The following PHACTR1 variants were observed in gnomAD, a reference collection of about 807,000 sequenced individuals.
PHACTR1 encodes the protein RPEL repeat containing 1.
Under a neutral mutation model 69.2 loss-of-function variants are expected in PHACTR1, and 16 were observed. The ratio of observed to expected loss-of-function variants is 0.23; its 90% confidence interval spans 0.16 to 0.35. PHACTR1 has a LOEUF of 0.35. Among genes scored for constraint, PHACTR1 ranks in the 10% least tolerant of loss-of-function variants. PHACTR1 has a pLI of 1.00. For synonymous variants in PHACTR1, 312 were observed against 284.5 expected, an observed-to-expected ratio of 1.10 and a Z score of -0.97; for missense variants, 510 against 734.7, an observed-to-expected ratio of 0.69 and a Z score of 3.54.
intron 4 of PHACTR1, among the ~76,000 whole-genome samples, chr6:12,761,918 G>A (rs1479369407): frequency 6.6e-6 from 1 of 152,178 alleles, no homozygotes; most frequent in Admixed American, 6.5e-5. Flanking sequence ...GACACAGTTC[G>A]CACAGCTGTG....
intron 4 of PHACTR1, among the ~76,000 whole-genome samples, chr6:12,824,761 G>A (rs1317573540): frequency 1.3e-5 from 2 of 152,056 alleles, no homozygotes; most frequent in African/African-American, 4.8e-5. Context: ...GATATTTCAG[G>A]AAATTAACTT....
At chr6:12,781,481 C>A (rs535729382) in intron 4 of PHACTR1, among the ~76,000 whole-genome samples, 1 of 152,292 alleles carries the variant, frequency 6.6e-6, no homozygotes, top group South Asian at 2.1e-4. Flanking sequence ...TCCAAATGGG[C>A]CTACACGGGC....
chr6:13,183,797 A>G (rs1762490207), intron 7 of PHACTR1, among the ~76,000 whole-genome samples: 1 of 152,214 alleles, frequency 6.6e-6, no homozygotes, highest in African/African-American at 2.4e-5. Context: ...CACTGAAGTC[A>G]GATAGATTTG....
At chr6:12,902,948 C>T (rs772143880) in intron 4 of PHACTR1, among the ~76,000 whole-genome samples, 4 of 152,296 alleles carry the variant, frequency 2.6e-5, no homozygotes, top group African/African-American at 7.2e-5. Flanking sequence ...GAGACCCAAC[C>T]GGCCCCTTGT....
At chr6:13,086,944 T>C (rs993291666) in intron 5 of PHACTR1, among the ~76,000 whole-genome samples, 7 of 152,036 alleles carry the variant, frequency 4.6e-5, no homozygotes, top group East Asian at 1.9e-4. Context: ...TATCCATTCA[T>C]TTATTTTAGC....
At chr6:12,959,176 CAAAAA>C (rs70989814) in intron 4 of PHACTR1, among the ~76,000 whole-genome samples, 7 of 46,258 alleles carry the variant, frequency 1.5e-4, no homozygotes, top group Admixed American at 2.7e-4. Context: ...GACTTTATCT[CAAAAA>C]AAAAAAAAAA....
chr6:13,102,510 ACAT>A (rs1296115079), intron 5 of PHACTR1, among the ~76,000 whole-genome samples: 16 of 152,314 alleles, frequency 1.1e-4, no homozygotes, highest in African/African-American at 2.9e-4. Context: ...TCAGCATTTA[ACAT>A]CATAGCCAGT....
intron 4 of PHACTR1, among the ~76,000 whole-genome samples, chr6:12,776,020 TAA>T (rs1363657688): frequency 6.6e-6 from 1 of 152,234 alleles, no homozygotes; most frequent in Non-Finnish European, 1.5e-5. Flanking sequence ...CTTCCAGTCT[TAA>T]GAGTCCACTC....
intron 4 of PHACTR1, among the ~76,000 whole-genome samples, chr6:12,910,441 C>G (rs948240061): frequency 1.3e-5 from 2 of 152,156 alleles, no homozygotes; most frequent in African/African-American, 4.8e-5. Flanking sequence ...GCATATAGTA[C>G]TTGTTTTGAA....
rs1459352925 is a variant in PHACTR1 at position 13,269,965 on chromosome 6, C to T, written c.1392-2895C>T. ...TCTCCAGCAGACATGAACTGGACAT[C>T]CTGTAATTCAATTTGATTCTGACCC... On this transcript the variant is annotated intron_variant, in intron 10 of 14. Transcript: ENST00000332995. Among the ~76,000 whole-genome samples the T allele has an allele frequency of 3.9e-4, 60 of 152,310 alleles. 2 individuals are homozygous for T. Among genetic ancestry groups the T allele is most frequent in the East Asian group, 1.9e-4 (1 of 5,188 alleles).
rs1800446426 is a variant in PHACTR1 at position 13,018,127 on chromosome 6, G to A, written c.251-35238G>A. Among the ~76,000 whole-genome samples the A allele has an allele frequency of 2.0e-5, 3 of 152,320 alleles. No individual in the cohort carries two copies. The South Asian group carries it at 6.2e-4, about 32-fold the overall frequency. ...CAATTTGTCATACTAATTCTCTGCTGTACTGACTGTAGAGTTCATCCATTG... is the reference window on the plus strand; with the variant it reads ...CAATTTGTCATACTAATTCTCTGCTATACTGACTGTAGAGTTCATCCATTG... On this transcript the variant is annotated intron_variant, in intron 4 of 14. Coordinates refer to ENST00000332995, the MANE Select transcript of PHACTR1 (RefSeq NM_030948.6).
intron 3 of PHACTR1, among the ~76,000 whole-genome samples, chr6:12,721,960 C>A (rs368511571): frequency 1.3e-5 from 2 of 152,192 alleles, no homozygotes; most frequent in African/African-American, 4.8e-5. Context: ...GGCAAGCTGG[C>A]GGCCAGCTCT....
At chr6:13,253,086 A>G (rs1223738157) in intron 10 of PHACTR1, 1 of 453,670 alleles carries the variant, frequency 2.2e-6, no homozygotes, top group South Asian at 1.6e-5. Flanking sequence ...AAGGATCGGG[A>G]TTCCTGCCAC....
At chr6:13,198,576 T>C (rs1764748822) in intron 7 of PHACTR1, among the ~76,000 whole-genome samples, 1 of 151,996 alleles carries the variant, frequency 6.6e-6, no homozygotes, top group Admixed American at 6.6e-5. Flanking sequence ...AAGAATTGTC[T>C]TGGGCTACAC....
At chr6:12,892,405 A>G (rs1212371435) in intron 4 of PHACTR1, among the ~76,000 whole-genome samples, 3 of 152,150 alleles carry the variant, frequency 2.0e-5, no homozygotes, top group Non-Finnish European at 4.4e-5. Context: ...TCAGACCTGG[A>G]TTTAATTAAT....
intron 4 of PHACTR1, among the ~76,000 whole-genome samples, chr6:12,850,662 A>T (rs550184260): frequency 6.6e-6 from 1 of 152,208 alleles, no homozygotes; most frequent in African/African-American, 2.4e-5. Context: ...CAGCAGGGCC[A>T]TGCTCTATCT....
intron 4 of PHACTR1, among the ~76,000 whole-genome samples, chr6:12,894,309 A>G (rs1157407630): frequency 6.6e-6 from 1 of 152,244 alleles, no homozygotes; most frequent in Non-Finnish European, 1.5e-5. Context: ...GAGGCCATCA[A>G]AACTTTTCAT....
chr6:13,053,609 T>C (rs1806323402), intron 5 of PHACTR1, 80 bp downstream of exon 5: 1 of 1,455,896 alleles, frequency 6.9e-7, no homozygotes, highest in African/African-American at 1.4e-5. Context: ...TTAATTGCAA[T>C]AGGCTGTTTG....
chr6:13,183,328 G>A lies in PHACTR1; in HGVS notation c.664+642G>A, dbSNP rs560044862. Among the ~76,000 whole-genome samples the A allele has an allele frequency of 9.8e-4, 149 of 151,966 alleles. 4 individuals are homozygous for A. The South Asian group carries it at 0.021, about 22-fold the overall frequency. On this transcript the variant is annotated intron_variant, in intron 7 of 14. Coordinates refer to ENST00000332995, the MANE Select transcript of PHACTR1 (RefSeq NM_030948.6). ...CCCTCCTGACAGCTAATGAGCAGTG[G>A]TACTTGTCAGGAGATGAGTCTGGGA...
Sources: gnomAD v4.1 joint callset for allele counts (sites outside exome capture counted in the v4.1 genomes callset) on GRCh38, gnomAD v4.1.1 for gene constraint, MANE v1.5 for transcripts, NCBI Gene and HGNC (gene_info 2026-07-23, HGNC 2026-07-21) for gene names.